Variants in ANKS1B observed in about 807,000 individuals in gnomAD.
The protein encoded by ANKS1B is ankyrin repeat and sterile alpha motif domain containing 1B.
ANKS1B carries 36 observed loss-of-function variants against 148.3 expected under a neutral mutation model. That is an observed-to-expected ratio of 0.24 (90% CI 0.19 to 0.32). ANKS1B has a LOEUF of 0.32. Among genes scored for constraint, ANKS1B ranks in the 10% least tolerant of loss-of-function variants. The pLI is 1.00. For synonymous variants in ANKS1B, 542 were observed against 560.8 expected, an observed-to-expected ratio of 0.97 and a Z score of 0.47; for missense variants, 1,157 against 1,542.6, an observed-to-expected ratio of 0.75 and a Z score of 4.19.
In ANKS1B at chr12:98,796,398, A is replaced by T. The variant is rs182404923; in HGVS notation, c.3342+2536T>A. ...CCGTCTGTGTCCTAAAGTATTTTTC[A>T]TGGGGAGTTTTGATTGAACTGGGAC... On this transcript the variant is annotated intron_variant, in intron 22 of 26. Coordinates refer to ENST00000683438, the MANE Select transcript of ANKS1B (RefSeq NM_001352186.2). Among the ~76,000 whole-genome samples, 234 of 152,286 alleles carry T rather than the reference A, an allele frequency of 1.5e-3. 1 individual carries two copies. The highest frequency in any genetic ancestry group is 2.9e-3 in the Non-Finnish European group (195 of 68,020).
At chr12:99,127,469 A>C (rs2153742496) in intron 15 of ANKS1B, among the ~76,000 whole-genome samples, 1 of 152,324 alleles carries the variant, frequency 6.6e-6, no homozygotes. Flanking sequence ...TGGGAAAAAA[A>C]ACTTTAGAAT....
At chr12:99,144,155 A>G (rs962765816) in intron 15 of ANKS1B, among the ~76,000 whole-genome samples, 5 of 152,096 alleles carry the variant, frequency 3.3e-5, no homozygotes, top group Non-Finnish European at 1.5e-5. Flanking sequence ...TCTATAAAAC[A>G]TTACTTGCCT....
At chr12:99,000,268 C>CTTTTTTT in intron 17 of ANKS1B, among the ~76,000 whole-genome samples, 1 of 125,470 alleles carries the variant, frequency 8.0e-6, no homozygotes, top group Non-Finnish European at 1.6e-5. Flanking sequence ...TTTCTTTTTC[C>CTTTTTTT]TTTTTTTTTT....
intron 17 of ANKS1B, among the ~76,000 whole-genome samples, chr12:98,849,495 T>G (rs1332741607): frequency 6.6e-6 from 1 of 152,210 alleles, no homozygotes; most frequent in African/African-American, 2.4e-5. Flanking sequence ...CAAGTATTAC[T>G]AACATGGTGG....
At chr12:99,910,137 C>T (rs759753058) in intron 1 of ANKS1B, among the ~76,000 whole-genome samples, 1 of 151,984 alleles carries the variant, frequency 6.6e-6, no homozygotes, top group Non-Finnish European at 1.5e-5. Flanking sequence ...CTTTGGGAGG[C>T]TGAGGTCAGG....
At chr12:99,684,368 C>CAAAA (rs572669891) in intron 8 of ANKS1B, among the ~76,000 whole-genome samples, 2 of 82,550 alleles carry the variant, frequency 2.4e-5, no homozygotes, top group African/African-American at 8.2e-5. Flanking sequence ...ACAACAGCTG[C>CAAAA]AAAAAAAAAA....
intron 9 of ANKS1B, among the ~76,000 whole-genome samples, chr12:99,638,861 C>T (rs941384939): frequency 2.6e-5 from 4 of 152,224 alleles, no homozygotes; most frequent in Admixed American, 6.5e-5. Flanking sequence ...TGCATCCCAG[C>T]CACTCCAGCC....
rs1314851035 is a variant in ANKS1B, at chr12:99,467,436, C to G, written c.1439-23627G>C. Among the ~76,000 whole-genome samples the G allele has an allele frequency of 2.0e-5, 3 of 152,196 alleles. No individual in the cohort carries two copies. The East Asian group carries it at 5.8e-4, about 29-fold the overall frequency. On this transcript the variant is annotated intron_variant, in intron 10 of 26. Transcript: ENST00000683438. ...TCAACATAGTGTTGGAAGTTCTGGC[C>G]AGGGCAATTAGGCAGGAGAAGGAAA...
chr12:99,212,796 T>G (rs1368434657), intron 14 of ANKS1B, among the ~76,000 whole-genome samples: 1 of 152,210 alleles, frequency 6.6e-6, no homozygotes, highest in Non-Finnish European at 1.5e-5. Flanking sequence ...TTCCCTGCTA[T>G]AGGCAGATGT....
At chr12:99,797,124 G>A (rs150030216) in intron 4 of ANKS1B, among the ~76,000 whole-genome samples, 167 of 151,980 alleles carry the variant, frequency 1.1e-3, no homozygotes, top group African/African-American at 3.9e-3. Flanking sequence ...ATGTAAATAT[G>A]TCAAACCCAT....
chr12:99,583,761 C>T (rs1325782143), intron 9 of ANKS1B, among the ~76,000 whole-genome samples: 1 of 152,154 alleles, frequency 6.6e-6, no homozygotes, highest in East Asian at 1.9e-4. Context: ...TATTCTACAA[C>T]ACTATATTCC....
At chr12:98,743,009 T>A (rs540566239), downstream of ANKS1B, among the ~76,000 whole-genome samples, 1,023 of 152,288 alleles carry the variant, frequency 6.7e-3, 7 homozygotes, top group African/African-American at 0.019. Context: ...TTATTTTTTT[T>A]AAAAAAAGTC....
At chr12:98,851,182 T>C (rs1391095030) in intron 17 of ANKS1B, among the ~76,000 whole-genome samples, 1 of 152,140 alleles carries the variant, frequency 6.6e-6, no homozygotes, top group African/African-American at 2.4e-5. Context: ...TGATGGCTGA[T>C]GTTAAGTTGG....
At chr12:99,701,443 G>A (rs1280693046) in intron 8 of ANKS1B, among the ~76,000 whole-genome samples, 1 of 151,894 alleles carries the variant, frequency 6.6e-6, no homozygotes, top group Non-Finnish European at 1.5e-5. Flanking sequence ...AGGTACATGA[G>A]ATACTTTTAT....
At position 98,883,752 on chromosome 12, in the gene ANKS1B, G is replaced by A. The variant is rs116139242; in HGVS notation, c.2779-51616C>T. Among the ~76,000 whole-genome samples, 699 of 152,272 alleles carry A rather than the reference G, an allele frequency of 4.6e-3. 8 individuals are homozygous for A. The highest frequency in any genetic ancestry group is 0.016 in the African/African-American group (683 of 41,568). ...ATTGAGTAGTTGGAAGTTGTGCAACGATATAACTTCTTATAAAAGTAAATA... is the reference window on the plus strand; with the variant it reads ...ATTGAGTAGTTGGAAGTTGTGCAACAATATAACTTCTTATAAAAGTAAATA... On this transcript the variant is annotated intron_variant, in intron 17 of 26. Transcript: ENST00000683438.
chr12:98,741,214 C>T (rs964747918), downstream of ANKS1B, among the ~76,000 whole-genome samples: 6 of 152,094 alleles, frequency 3.9e-5, no homozygotes, highest in East Asian at 3.9e-4. Context: ...CAAATGTCAC[C>T]GACCCCTGAA....
At chr12:99,053,083 C>T in intron 17 of ANKS1B, 74 bp downstream of exon 17, 1 of 1,370,804 alleles carries the variant, frequency 7.3e-7, no homozygotes, top group Non-Finnish European at 9.7e-7. Context: ...TGTCCAAACA[C>T]TTATAAAAAA....
At chr12:99,617,570 T>C (rs558289031) in intron 9 of ANKS1B, among the ~76,000 whole-genome samples, 3 of 151,998 alleles carry the variant, frequency 2.0e-5, no homozygotes, top group South Asian at 2.1e-4. Flanking sequence ...TTCTCACTCA[T>C]AAATGGGAGT....
chr12:99,134,819 C>T (rs1476284909), intron 15 of ANKS1B, among the ~76,000 whole-genome samples: 1 of 151,982 alleles, frequency 6.6e-6, no homozygotes, highest in Non-Finnish European at 1.5e-5. Flanking sequence ...TTGGGACACC[C>T]TGATCATTAT....
Sources: gnomAD v4.1 joint callset for allele counts (sites outside exome capture counted in the v4.1 genomes callset) on GRCh38, gnomAD v4.1.1 for gene constraint, MANE v1.5 for transcripts, NCBI Gene and HGNC (gene_info 2026-07-23, HGNC 2026-07-21) for gene names.